The following PCDHA6 variants were observed in gnomAD, a reference collection of about 807,000 sequenced individuals.
PCDHA6 encodes the protein protocadherin alpha 6.
A neutral mutation model predicts 60.3 loss-of-function variants in PCDHA6; 55 were observed. The observed-to-expected ratio is 0.91, with a 90% CI of 0.73 to 1.14. PCDHA6 has a LOEUF of 1.14. Ranked by LOEUF, PCDHA6 falls within the 50% of genes most tolerant of loss-of-function variation. The pLI is 0.00. For synonymous variants in PCDHA6, 652 were observed against 557.9 expected (o/e 1.17, Z -2.38); for missense variants, 1,327 against 1,256.5 (o/e 1.06, Z -0.85).
At chr5:140,941,209 T>TCC (rs59604197) in intron 1 of PCDHA6, among the ~76,000 whole-genome samples, 12 of 126,888 alleles carry the variant, frequency 9.5e-5, no homozygotes, top group Admixed American at 4.0e-4. Flanking sequence ...CTTCCTTTCT[T>TCC]TCTTCCTTTC....
At chr5:140,858,363 C>G in intron 1 of PCDHA6, 1 of 1,591,358 alleles carries the variant, frequency 6.3e-7, no homozygotes, top group Non-Finnish European at 8.6e-7. Flanking sequence ...GCCTTCAGCC[C>G]CAGCCTTCCA....
intron 1 of PCDHA6, chr5:140,843,500 C>T: frequency 1.3e-6 from 2 of 1,596,010 alleles, no homozygotes; most frequent in South Asian, 1.1e-5. Flanking sequence ...CTCAGCACTG[C>T]CCACTGAGGG....
chr5:140,929,465 A>G (rs2086179280), intron 1 of PCDHA6: 1 of 1,322,058 alleles, frequency 7.6e-7, no homozygotes, highest in African/African-American at 1.5e-5. Flanking sequence ...CTGTGCCAAG[A>G]AATCTGGAAG....
chr5:140,875,537 C>A, intron 1 of PCDHA6: 1 of 1,614,130 alleles, frequency 6.2e-7, no homozygotes, highest in South Asian at 1.1e-5. Context: ...CTGCTCCTTG[C>A]AGCCTGGGAG....
At chr5:140,953,565 C>A (rs1433649283) in intron 1 of PCDHA6, among the ~76,000 whole-genome samples, 2 of 151,370 alleles carry the variant, frequency 1.3e-5, no homozygotes, top group African/African-American at 2.5e-5. Context: ...AGTTTTAGTG[C>A]CCTCCTCTCC....
At chr5:140,876,928 A>C in intron 1 of PCDHA6, 1 of 1,613,812 alleles carries the variant, frequency 6.2e-7, no homozygotes, top group Non-Finnish European at 8.5e-7. Flanking sequence ...GGACGCGCAG[A>C]AGAACGCGCT....
At chr5:140,921,277 A>G (rs1554200163) in intron 1 of PCDHA6, among the ~76,000 whole-genome samples, 1 of 152,210 alleles carries the variant, frequency 6.6e-6, no homozygotes, top group Non-Finnish European at 1.5e-5. Flanking sequence ...ACTTACTTGA[A>G]AAAAACCTCA....
intron 1 of PCDHA6, chr5:140,968,431 G>T: frequency 6.2e-7 from 1 of 1,613,980 alleles, no homozygotes; most frequent in South Asian, 1.1e-5. Flanking sequence ...AGGACAAGGG[G>T]AGCCCACCAC....
chr5:140,877,702 G>T, intron 1 of PCDHA6: 2 of 1,613,996 alleles, frequency 1.2e-6, no homozygotes, highest in Admixed American at 3.3e-5. Context: ...GTGCTCCAGC[G>T]CCGTGGGGAG....
At position 140,979,365 on chromosome 5, in the gene PCDHA6, C is replaced by T. The variant is rs782063202; in HGVS notation, c.2453+358C>T. Among the ~76,000 whole-genome samples, 13 of 151,916 alleles carry T rather than the reference C, an allele frequency of 8.6e-5. 1 individual carries two copies. The highest frequency in any genetic ancestry group is 1.5e-5 in the Non-Finnish European group (1 of 67,992). On this transcript the variant is annotated intron_variant, in intron 2 of 3. Coordinates refer to ENST00000529310, the MANE Select transcript of PCDHA6 (RefSeq NM_018909.4). ...TGTAATTAATACTCATGCTTTGAGA[C>T]TTGGGTACATTGTGCAATGTATACA...
intron 1 of PCDHA6, chr5:140,857,941 T>C (rs1294613928): frequency 6.3e-7 from 1 of 1,597,330 alleles, no homozygotes; most frequent in Non-Finnish European, 8.6e-7. Flanking sequence ...GCGAGATCAG[T>C]ACGACGCGCG....
At chr5:140,863,208 C>A in intron 1 of PCDHA6, 2 of 990,672 alleles carry the variant, frequency 2.0e-6, no homozygotes, top group Non-Finnish European at 3.1e-6. Flanking sequence ...TGGCGGAGAG[C>A]AGCCAAGCGA....
At chr5:140,857,839 C>A in intron 1 of PCDHA6, 1 of 1,597,776 alleles carries the variant, frequency 6.3e-7, no homozygotes, top group South Asian at 1.1e-5. Flanking sequence ...GCGCAGTGGA[C>A]GCTGACTCTG....
rs1214485732 is a variant in PCDHA6, at chr5:141,010,285, C to T, written c.*348C>T. On this transcript the variant is annotated 3_prime_UTR_variant, in exon 4 of 4. Coordinates refer to ENST00000529310, the MANE Select transcript of PCDHA6 (RefSeq NM_018909.4). The stretch of plus-strand genomic sequence containing the variant: ...CTCCGGGGATCCTGTCTTGATGACA[C>T]TTGCAGGGCAGGCTGAAAAGTTTTG... The T allele has an allele frequency of 1.3e-6, 2 of 1,550,458 alleles. No homozygotes were observed. The highest frequency in any genetic ancestry group is 1.7e-6 in the Non-Finnish European group (2 of 1,146,698).
Position 140,839,125 on chromosome 5 carries a change from C to T in PCDHA6, c.2394+8640C>T, listed in dbSNP as rs146206421. ...TATTTACCATTAAGCCATAATATGT[C>T]ATTCACATAAGCAGACCAAGTTTGC... On this transcript the variant is annotated intron_variant, in intron 1 of 3. Transcript: ENST00000529310. Among the ~76,000 whole-genome samples, 144 of 151,494 alleles carry T rather than the reference C, an allele frequency of 9.5e-4. 3 individuals carry two copies. The highest frequency in any genetic ancestry group is 3.4e-3 in the African/African-American group (139 of 41,138).
intron 1 of PCDHA6, among the ~76,000 whole-genome samples, chr5:140,923,301 G>C (rs1554201374): frequency 6.6e-6 from 1 of 152,206 alleles, no homozygotes; most frequent in African/African-American, 2.4e-5. Context: ...AGCTGGGCGT[G>C]GGGGCGCTTG....
Position 140,847,412 on chromosome 5 carries a change from C to T in PCDHA6, c.2394+16927C>T, listed in dbSNP as rs1554141782. On this transcript the variant is annotated intron_variant, in intron 1 of 3. Coordinates refer to ENST00000529310, the MANE Select transcript of PCDHA6 (RefSeq NM_018909.4). ...ACATTAATGGCACAATAAACACTCA[C>T]GGTTTTGCCTTTAGACTTGAGATAC... 2 of 149,550 alleles carry T rather than the reference C, an allele frequency of 1.3e-5. 1 individual carries two copies. Among genetic ancestry groups the T allele is most frequent in the Non-Finnish European group, 3.0e-5 (2 of 66,894 alleles). 9.3% of individuals were successfully genotyped at this position (149,550 alleles called of 1,614,324 possible). A position where few individuals can be genotyped will look rare whatever the true frequency, so the allele number is the denominator to read the frequency against.
rs1581023239 is a variant in PCDHA6, at chr5:140,842,959, C to T, written c.2394+12474C>T. Reference sequence around the variant, plus strand: ...GCGACGCGGGCGTGCCGCCTCTGGGCAGCAACGTGACGCTGCAGGTGTTCG... The same window carrying T: ...GCGACGCGGGCGTGCCGCCTCTGGGTAGCAACGTGACGCTGCAGGTGTTCG... On this transcript the variant is annotated intron_variant, in intron 1 of 3. Transcript: ENST00000529310. The T allele has an allele frequency of 1.9e-6, 3 of 1,594,954 alleles. No individual in the cohort carries two copies. The East Asian group carries it at 6.7e-5, about 36-fold the overall frequency.
At chr5:140,976,286 C>G (rs1554237455) in intron 1 of PCDHA6, among the ~76,000 whole-genome samples, 2 of 152,098 alleles carry the variant, frequency 1.3e-5, no homozygotes, top group African/African-American at 2.4e-5. Flanking sequence ...CACAGTGGCT[C>G]AAGCCTGTAA....
Sources: allele counts gnomAD v4.1 joint callset (sites outside exome capture counted in the v4.1 genomes callset), GRCh38; gene constraint gnomAD v4.1.1; transcripts MANE v1.5; gene names NCBI Gene and HGNC (gene_info 2026-07-23, HGNC 2026-07-21).